The following PBX3 variants were observed in gnomAD, a reference collection of about 807,000 sequenced individuals.
The protein encoded by PBX3 is pre-B-cell leukemia transcription factor 3.
PBX3 carries 14 observed loss-of-function variants against 48.5 expected under a neutral mutation model. The observed-to-expected ratio is 0.29, with a 90% CI of 0.19 to 0.45. The LOEUF is 0.45. Ranked by LOEUF, PBX3 falls within the 20% of genes least tolerant of loss-of-function variation. PBX3 has a pLI of 1.00. For missense variants in PBX3, 386 were observed against 546.7 expected, an observed-to-expected ratio of 0.71 and a Z score of 2.93; for synonymous variants, 210 against 200.3, an observed-to-expected ratio of 1.05 and a Z score of -0.41.
intron 2 of PBX3, among the ~76,000 whole-genome samples, chr9:125,773,568 A>G (rs931322418): frequency 6.6e-6 from 1 of 152,194 alleles, no homozygotes; most frequent in Non-Finnish European, 1.5e-5. Flanking sequence ...TCTGGCACAT[A>G]GTAGGAAGCA....
intron 5 of PBX3, among the ~76,000 whole-genome samples, chr9:125,955,172 A>G (rs1286039691): frequency 1.4e-5 from 1 of 73,518 alleles, no homozygotes; most frequent in East Asian, 6.5e-4. Flanking sequence ...CTCCACTGCT[A>G]TAGATCTCAG....
At chr9:125,751,317 A>T (rs78491203) in intron 2 of PBX3, among the ~76,000 whole-genome samples, 5,183 of 152,208 alleles carry the variant, frequency 0.034, 223 homozygotes, top group East Asian at 0.17. Context: ...AAATCATTTT[A>T]AAAAAAATCT....
chr9:125,754,968 C>G (rs904846545), intron 2 of PBX3, among the ~76,000 whole-genome samples: 1 of 152,056 alleles, frequency 6.6e-6, no homozygotes, highest in Non-Finnish European at 1.5e-5. Flanking sequence ...GACAATAACT[C>G]TTTTTTAGTG....
At chr9:125,961,795 A>G (rs1358116965) in intron 6 of PBX3, among the ~76,000 whole-genome samples, 2 of 152,324 alleles carry the variant, frequency 1.3e-5, no homozygotes, top group East Asian at 1.9e-4. Context: ...AACAAGGGGA[A>G]GGGTCCAGGC....
At chr9:125,874,407 T>C (rs1023299253) in intron 2 of PBX3, among the ~76,000 whole-genome samples, 27 of 152,284 alleles carry the variant, frequency 1.8e-4, no homozygotes, top group Non-Finnish European at 3.2e-4. Context: ...GCTAGTCTTA[T>C]TCACGATATA....
In PBX3 at chr9:125,754,150, C is replaced by T. The variant is rs546393563; in HGVS notation, c.274+5527C>T. On this transcript the variant is annotated intron_variant, in intron 2 of 8. Transcript: ENST00000373489. ...ATATAAGGTTTTAGATTATCTTTTC[C>T]CTATTCGTGTTTGTGAACATCTTTA... is the stretch of plus-strand genomic sequence containing the variant. Among the ~76,000 whole-genome samples, 125 of 152,126 alleles carry T rather than the reference C, an allele frequency of 8.2e-4. 1 individual carries two copies. The highest frequency in any genetic ancestry group is 3.4e-3 in the Admixed American group (52 of 15,272).
intron 2 of PBX3, among the ~76,000 whole-genome samples, chr9:125,884,570 G>GTTAATTACTTTA (rs1840455322): frequency 6.6e-6 from 1 of 152,168 alleles, no homozygotes; most frequent in Admixed American, 6.6e-5. Flanking sequence ...TTTATTACTA[G>GTTAATTACTTTA]TTGCCTTTCC....
At chr9:125,903,537 C>T (rs879616230) in intron 2 of PBX3, among the ~76,000 whole-genome samples, 2 of 151,664 alleles carry the variant, frequency 1.3e-5, no homozygotes, top group Non-Finnish European at 2.9e-5. Flanking sequence ...AAAAATACAC[C>T]TGATGATAAT....
intron 2 of PBX3, 28 bp downstream of exon 2, chr9:125,748,651 T>G: frequency 6.3e-7 from 1 of 1,594,656 alleles, no homozygotes; most frequent in African/African-American, 1.3e-5. Flanking sequence ...GCAGTGGGCC[T>G]GGAGACCCCC....
At chr9:125,822,946 G>T in intron 2 of PBX3, among the ~76,000 whole-genome samples, 1 of 151,398 alleles carries the variant, frequency 6.6e-6, no homozygotes, top group East Asian at 1.9e-4. Context: ...ATAACTTGTG[G>T]GGTTTTTTAG....
chr9:125,879,515 T>A lies in PBX3; in HGVS notation c.275-36171T>A, dbSNP rs75275397. Among the ~76,000 whole-genome samples, 1,182 of 152,342 alleles carry A rather than the reference T, an allele frequency of 7.8e-3. 12 individuals carry two copies. Among genetic ancestry groups the A allele is most frequent in the African/African-American group, 0.027 (1,141 of 41,578 alleles). On this transcript the variant is annotated intron_variant, in intron 2 of 8. Coordinates refer to ENST00000373489, the MANE Select transcript of PBX3 (RefSeq NM_006195.6). ...AAAAAGTTGATTAATTTCAAACTTG[T>A]GGCAAGTGGGTTGAAAGTACTAAAA... is the stretch of plus-strand genomic sequence containing the variant.
At chr9:125,785,333 C>A (rs1373842602) in intron 2 of PBX3, among the ~76,000 whole-genome samples, 6 of 152,142 alleles carry the variant, frequency 3.9e-5, no homozygotes, top group African/African-American at 7.2e-5. Flanking sequence ...TGGGTGGGCA[C>A]CATTCAATCA....
rs60326557 is a variant in PBX3 at position 125,943,352 on chromosome 9, C to CAAAAAAAAAAAA, written c.843+7781_843+7792dup. ...CTTGGGCTGCAGAGTGAGACTGTCT[C>CAAAAAAAAAAAA]AAAAAAAAAAAAAAAAAAAAAAAAA... is the stretch of plus-strand genomic sequence containing the variant. On this transcript the variant is annotated intron_variant, in intron 5 of 8. Coordinates refer to ENST00000373489, the MANE Select transcript of PBX3 (RefSeq NM_006195.6). Among the ~76,000 whole-genome samples, 35 of 60,878 alleles carry CAAAAAAAAAAAA rather than the reference C, an allele frequency of 5.7e-4. 1 individual carries two copies. The highest frequency in any genetic ancestry group is 7.7e-4 in the Non-Finnish European group (24 of 31,360). The allele number at this position is 60,878 out of a possible 152,430, so 39.9% of individuals were successfully genotyped here. A position where few individuals can be genotyped will look rare whatever the true frequency, so the allele number is the denominator to read the frequency against.
intron 2 of PBX3, among the ~76,000 whole-genome samples, chr9:125,829,381 C>T (rs991738672): frequency 6.6e-6 from 1 of 152,002 alleles, no homozygotes; most frequent in African/African-American, 2.4e-5. Flanking sequence ...ACACTTGTCA[C>T]GTTTCTGGAC....
chr9:125,891,445 AAAATG>A (rs1478456052), intron 2 of PBX3, among the ~76,000 whole-genome samples: 2 of 152,236 alleles, frequency 1.3e-5, no homozygotes, highest in South Asian at 2.1e-4. Flanking sequence ...TGGTAACAGG[AAAATG>A]AAATGAAAAA....
Position 125,762,274 on chromosome 9 carries a change from A to G in PBX3, c.274+13651A>G, listed in dbSNP as rs1836689049. Among the ~76,000 whole-genome samples, 3 of 152,120 alleles carry G rather than the reference A, an allele frequency of 2.0e-5. No homozygotes were observed. In the South Asian group the frequency reaches 6.2e-4, roughly 31 times the overall value. On this transcript the variant is annotated intron_variant, in intron 2 of 8. Transcript: ENST00000373489. Reference sequence around the variant, plus strand: ...TTTAGAGTGCTGTAAGGCCTTTAAGAGAGTTAACTGATTGCAAGAAGTGTA... The same window carrying G: ...TTTAGAGTGCTGTAAGGCCTTTAAGGGAGTTAACTGATTGCAAGAAGTGTA...
intron 2 of PBX3, among the ~76,000 whole-genome samples, chr9:125,882,549 C>G (rs1160579327): frequency 1.3e-5 from 2 of 152,188 alleles, no homozygotes; most frequent in Non-Finnish European, 2.9e-5. Flanking sequence ...TGGAAACACG[C>G]TCTCTTATCA....
At chr9:125,870,429 A>T (rs1840093441) in intron 2 of PBX3, among the ~76,000 whole-genome samples, 1 of 152,106 alleles carries the variant, frequency 6.6e-6, no homozygotes, top group Non-Finnish European at 1.5e-5. Flanking sequence ...ACCCCCTTAT[A>T]AAACCATCAT....
chr9:125,827,433 AT>A (rs1838839440), intron 2 of PBX3, among the ~76,000 whole-genome samples: 1 of 152,070 alleles, frequency 6.6e-6, no homozygotes, highest in South Asian at 2.1e-4. Flanking sequence ...ATTAGTACCT[AT>A]TTATCTTATG....
Sources: allele counts gnomAD v4.1 joint callset (sites outside exome capture counted in the v4.1 genomes callset), GRCh38; gene constraint gnomAD v4.1.1; transcripts MANE v1.5; gene names NCBI Gene and HGNC (gene_info 2026-07-23, HGNC 2026-07-21).